The following PCED1B variants were observed in gnomAD, a reference collection of about 807,000 sequenced individuals.
The protein encoded by PCED1B is PC-esterase domain-containing protein 1B.
For missense variants in PCED1B, 573 were observed against 573.9 expected (o/e 1.00, Z 0.02); for synonymous variants, 251 against 246.1 (o/e 1.02, Z -0.19).
chr12:47,208,002 C>T (rs939993601), intron 2 of PCED1B, among the ~76,000 whole-genome samples: 2 of 152,122 alleles, frequency 1.3e-5, no homozygotes, highest in Admixed American at 6.5e-5. Context: ...TGGGCTAACA[C>T]AGCTCTCTGA....
At chr12:47,234,151 G>C (rs796596009) in intron 3 of PCED1B, among the ~76,000 whole-genome samples, 55 of 152,238 alleles carry the variant, frequency 3.6e-4, no homozygotes, top group African/African-American at 1.3e-3. Flanking sequence ...ACCACGCCCG[G>C]CTAATTTTGA....
intron 2 of PCED1B, among the ~76,000 whole-genome samples, chr12:47,149,294 T>C (rs981313953): frequency 2.6e-5 from 4 of 152,200 alleles, no homozygotes; most frequent in Non-Finnish European, 4.4e-5. Flanking sequence ...CCCCGCTTCA[T>C]TGTGTTTAAA....
intron 2 of PCED1B, among the ~76,000 whole-genome samples, chr12:47,196,000 A>G (rs1385376678): frequency 6.6e-6 from 1 of 152,224 alleles, no homozygotes; most frequent in Non-Finnish European, 1.5e-5. Flanking sequence ...ATATTCTATT[A>G]GCCCAATTTT....
At chr12:47,216,951 C>T (rs977648767) in intron 3 of PCED1B, among the ~76,000 whole-genome samples, 14 of 152,092 alleles carry the variant, frequency 9.2e-5, no homozygotes, top group South Asian at 4.1e-4. Flanking sequence ...GGAGAAGGGA[C>T]GTGAGGCATC....
At chr12:47,191,335 T>G (rs1402748393) in intron 2 of PCED1B, among the ~76,000 whole-genome samples, 1 of 152,156 alleles carries the variant, frequency 6.6e-6, no homozygotes, top group East Asian at 1.9e-4. Flanking sequence ...GCTTTACGAC[T>G]CCATACATTT....
chr12:47,206,277 G>C (rs1251601819), intron 2 of PCED1B: 1 of 152,182 alleles, frequency 6.6e-6, no homozygotes, highest in East Asian at 1.9e-4. Context: ...AGGCCATCTA[G>C]TCCCCAGACA....
intron 3 of PCED1B, among the ~76,000 whole-genome samples, chr12:47,224,900 C>A (rs956596693): frequency 2.6e-5 from 4 of 152,154 alleles, no homozygotes; most frequent in Non-Finnish European, 4.4e-5. Flanking sequence ...AGTTAACAGT[C>A]TTTCCAGTGG....
intron 2 of PCED1B, among the ~76,000 whole-genome samples, chr12:47,175,343 G>A (rs900660220): frequency 4.6e-5 from 7 of 152,024 alleles, no homozygotes; most frequent in African/African-American, 1.7e-4. Context: ...AATTTGGGGT[G>A]GCAAATTGAT....
Position 47,236,231 on chromosome 12 carries a change from C to G in PCED1B, c.1168C>G (p.Gln390Glu), listed in dbSNP as rs752806462. The change falls in exon 4 of 4, where the codon CAG becomes GAG. Residue 390 changes from glutamine to glutamate, a missense_variant. Gln to Glu is a conservative substitution (Grantham distance 29). Transcript: ENST00000546455. ...GCCCTTCTTCCCCACACCCCGTTATCAGCGGCCTGCCCCAGTGGTACATAG... is the reference window on the plus strand; with the variant it reads ...GCCCTTCTTCCCCACACCCCGTTATGAGCGGCCTGCCCCAGTGGTACATAG... ...PMPFFPTPRYQRPAPVVHRGF... is the reference protein window; with the variant it reads ...PMPFFPTPRYERPAPVVHRGF... 2.0e-5 allele frequency: 33 copies of G among 1,614,028 alleles called. 1 individual carries two copies. In the South Asian group the frequency reaches 3.5e-4, roughly 17 times the overall value.
chr12:47,234,934 C>T (rs1476546697), intron 3 of PCED1B, 73 bp from the exon 4 acceptor site: 4 of 793,382 alleles, frequency 5.0e-6, no homozygotes, highest in Non-Finnish European at 3.7e-6. Context: ...CCATGGTCTC[C>T]CTACCCCCAA....
intron 3 of PCED1B, among the ~76,000 whole-genome samples, chr12:47,226,540 A>AT (rs758359209): frequency 1.3e-5 from 2 of 152,060 alleles, no homozygotes; most frequent in Non-Finnish European, 2.9e-5. Flanking sequence ...CACCCGGCTA[A>AT]TTTTTTATAT....
At chr12:47,101,377 T>C (rs1938699030) in intron 1 of PCED1B, among the ~76,000 whole-genome samples, 1 of 152,206 alleles carries the variant, frequency 6.6e-6, no homozygotes, top group Non-Finnish European at 1.5e-5. Flanking sequence ...CTGGGCTTTC[T>C]TGTTCGTTCG....
At chr12:47,183,322 A>G (rs555159404) in intron 2 of PCED1B, among the ~76,000 whole-genome samples, 49 of 152,224 alleles carry the variant, frequency 3.2e-4, no homozygotes, top group Non-Finnish European at 5.7e-4. Context: ...TGGAATTTCT[A>G]AATATATTTT....
intron 1 of PCED1B, among the ~76,000 whole-genome samples, chr12:47,095,342 C>A (rs534659269): frequency 1.4e-4 from 22 of 151,908 alleles, no homozygotes; most frequent in Admixed American, 1.0e-3. Flanking sequence ...AAGCTAATTT[C>A]TTTTTTTTCT....
intron 2 of PCED1B, among the ~76,000 whole-genome samples, chr12:47,198,083 C>T (rs10748465): frequency 0.33 from 49,550 of 151,912 alleles, 8,413 homozygotes; most frequent in East Asian, 0.6. Flanking sequence ...CAGACAAAGA[C>T]GTTAAAAGAA....
chr12:47,121,248 T>C (rs1010119205), intron 2 of PCED1B, among the ~76,000 whole-genome samples: 3 of 152,212 alleles, frequency 2.0e-5, no homozygotes, highest in Non-Finnish European at 4.4e-5. Context: ...AGGCGACGGT[T>C]TATAAATGAG....
intron 2 of PCED1B, among the ~76,000 whole-genome samples, chr12:47,215,676 G>T (rs1373012666): frequency 2.0e-5 from 3 of 152,178 alleles, no homozygotes; most frequent in Non-Finnish European, 2.9e-5. Context: ...GCTGAGGCTG[G>T]GGCTCAGGCC....
chr12:47,235,367 C>G lies in PCED1B; in HGVS notation c.304C>G (p.Leu102Val). The change falls in exon 4 of 4, where the codon CTC becomes GTC. Residue 102 changes from leucine (L) to valine (V), a missense_variant. Transcript: ENST00000546455. ...YFLTRVYSDYLQTILKELQSG... is the reference protein window; with the variant it reads ...YFLTRVYSDYVQTILKELQSG... ...CCTCACCCGCGTGTACTCCGATTAC[C>G]TCCAGACCATCTTGAAAGAGCTGCA... The G allele has an allele frequency of 6.2e-7, 1 of 1,614,206 alleles. No homozygotes were observed. Among genetic ancestry groups the G allele is most frequent in the Non-Finnish European group, 8.5e-7 (1 of 1,180,052 alleles).
intron 2 of PCED1B, among the ~76,000 whole-genome samples, chr12:47,206,774 GT>G (rs1390453960): frequency 6.6e-6 from 1 of 151,974 alleles, no homozygotes; most frequent in South Asian, 2.1e-4. Context: ...AAAATCCAAG[GT>G]TTTTTTAAGG....
Sources: allele counts gnomAD v4.1 joint callset (sites outside exome capture counted in the v4.1 genomes callset), GRCh38; gene constraint gnomAD v4.1.1; transcripts MANE v1.5; gene names NCBI Gene and HGNC (gene_info 2026-07-23, HGNC 2026-07-21).